Variants in MYL2 observed in about 807,000 individuals in gnomAD.
MYL2 encodes the protein myosin light chain 2.
In MYL2, 19 loss-of-function variants were observed where a neutral mutation model predicts 23.0. The ratio of observed to expected loss-of-function variants is 0.83; its 90% confidence interval spans 0.58 to 1.21. The LOEUF (loss-of-function observed/expected upper bound fraction) is 1.21, where lower values mean the gene tolerates loss of function less well. Ranked by LOEUF, MYL2 falls within the 50% of genes most tolerant of loss-of-function variation. The pLI is 0.00. For missense variants in MYL2, 180 were observed against 215.1 expected (o/e 0.84, Z 1.02); for synonymous variants, 78 against 76.2 (o/e 1.02, Z -0.13).
chr12:110,914,131 C>A (rs2071672912), intron 4 of MYL2, 55 bp downstream of exon 4: 2 of 1,314,452 alleles, frequency 1.5e-6, no homozygotes, highest in Non-Finnish European at 1.1e-6. Context: ...TGCCAGCCCC[C>A]CCGAAGAAAC....
intron 2 of MYL2, among the ~76,000 whole-genome samples, chr12:110,917,526 A>C (rs544075707): frequency 1.3e-5 from 2 of 150,608 alleles, no homozygotes; most frequent in Non-Finnish European, 3.0e-5. Flanking sequence ...CAAACAGACC[A>C]AATGGGGAAT....
At chr12:110,914,336 G>T (rs2071675412) in intron 3 of MYL2, 46 bp from the exon 4 acceptor site, 2 of 1,373,136 alleles carry the variant, frequency 1.5e-6, no homozygotes, top group South Asian at 2.3e-5. Context: ...TGGGGAGAAA[G>T]AACCATTATG....
At chr12:110,921,074 T>C (rs1236326627), upstream of MYL2, among the ~76,000 whole-genome samples, 2 of 152,164 alleles carry the variant, frequency 1.3e-5, no homozygotes, top group Non-Finnish European at 2.9e-5. Context: ...AAAATAACCA[T>C]GAAGGCTGGC....
chr12:110,914,241 A>G lies in MYL2; in HGVS notation c.219T>C (p.Ala73=). 6.2e-7 allele frequency: 1 copy of G among 1,614,054 alleles called. No homozygotes were observed. Among genetic ancestry groups the G allele is most frequent in the Non-Finnish European group, 8.5e-7 (1 of 1,180,018 alleles). ...NEEIDEMIKE[A]PGPINFTVFL... ...ACACAGTAAAGTTAATTGGACCCGG[A>G]GCCTCCTTGATCATTTCATCAATTT... Residue 73 remains alanine (A), a synonymous_variant, in exon 4 of 7, where the codon GCT becomes GCC. Coordinates refer to ENST00000228841, the MANE Select transcript of MYL2 (RefSeq NM_000432.4).
intron 2 of MYL2, 43 bp from the exon 3 acceptor site, chr12:110,915,833 G>A: frequency 6.4e-7 from 1 of 1,570,988 alleles, no homozygotes; most frequent in Non-Finnish European, 8.8e-7. Flanking sequence ...GGGAGAAACT[G>A]GCAGAGTTGC....
rs397516400 is a variant in MYL2, at chr12:110,914,178, G to A, written c.274+8C>T. The A allele has an allele frequency of 5.1e-5, 81 of 1,587,374 alleles. No homozygotes were observed. The highest frequency in any genetic ancestry group is 4.5e-4 in the African/African-American group (33 of 73,456). ...CACACAGACACACACACACACACAC[G>A]ACCTTACCCTTAAGTTTCTCCCCAA... On this transcript the variant is annotated splice_region_variant and intron_variant, in intron 4 of 6. Coordinates refer to ENST00000228841, the MANE Select transcript of MYL2 (RefSeq NM_000432.4).
intron 2 of MYL2, 111 bp from the exon 3 acceptor site, chr12:110,915,901 T>G: frequency 1.2e-6 from 1 of 862,022 alleles, no homozygotes; most frequent in South Asian, 1.3e-5. Flanking sequence ...CAAAGATCAT[T>G]GTAGGACCTC....
intron 6 of MYL2, 56 bp downstream of exon 6, chr12:110,913,040 C>T (rs1226524344): frequency 6.9e-6 from 11 of 1,601,486 alleles, no homozygotes; most frequent in Non-Finnish European, 8.6e-6. Flanking sequence ...GACGGAGCCC[C>T]CCAGAAGGAG....
Position 110,918,966 on chromosome 12 carries a change from G to A in MYL2, c.93+138C>T, listed in dbSNP as rs1438869922. On this transcript the variant is annotated intron_variant, in intron 2 of 6. Coordinates refer to ENST00000228841, the MANE Select transcript of MYL2 (RefSeq NM_000432.4). This position sits in a 1 kb window ranked among gnomAD's most constrained non-coding sequence, Gnocchi z 4.4. ...GTTTCTTTTAAAAATTCACACATCC[G>A]TTCAGGCCGAATTTGGGATTGTTTG... The A allele has an allele frequency of 1.1e-5, 8 of 751,966 alleles. No homozygotes were observed. The highest frequency in any genetic ancestry group is 3.2e-5 in the South Asian group (2 of 62,910). The allele number at this position is 751,966 out of a possible 1,614,324, so 46.6% of individuals were successfully genotyped here.
intron 1 of MYL2, among the ~76,000 whole-genome samples, chr12:110,920,310 T>A (rs1248894967): frequency 1.8e-5 from 1 of 54,576 alleles, no homozygotes; most frequent in East Asian, 4.8e-4. Flanking sequence ...ACTCTCTTAT[T>A]TTGTGTTTGT....
intron 3 of MYL2, among the ~76,000 whole-genome samples, chr12:110,914,793 T>C (rs2071678355): frequency 6.6e-6 from 1 of 152,222 alleles, no homozygotes; most frequent in Non-Finnish European, 1.5e-5. Flanking sequence ...GTGCTGGGAT[T>C]ACAGGTGTGA....
rs1468608115 is a variant in MYL2 at position 110,911,085 on chromosome 12, T to C, written c.493A>G (p.Lys165Glu). 1 of 1,613,908 alleles carries C rather than the reference T, an allele frequency of 6.2e-7. No homozygotes were observed. Among genetic ancestry groups the C allele is most frequent in the Admixed American group, 1.7e-5 (1 of 60,008 alleles). The change falls in exon 7 of 7, where the codon AAG becomes GAG. Residue 165 changes from lysine (K) to glutamate (E), a missense_variant. Lys to Glu is a moderately conservative substitution (Grantham distance 56, BLOSUM62 1). Coordinates refer to ENST00000228841, the MANE Select transcript of MYL2 (RefSeq NM_000432.4). ...LVHIITHGEEKD is the reference protein window; with the variant it reads ...LVHIITHGEEED ...CAGCAGCGAGCCCCCTCCTAGTCCT[T>C]CTCTTCTCCGTGGGTGATGATGTGC...
rs778630692 is a variant in MYL2 at position 110,913,105 on chromosome 12, G to C, written c.393C>G (p.Ser131=). Reference sequence around the variant, plus strand: ...TGAAGGACCCCATTACCTCCTCCTTGGAAAACCTCTCCGCCTGCGTGGTCA... The same window carrying C: ...TGAAGGACCCCATTACCTCCTCCTTCGAAAACCTCTCCGCCTGCGTGGTCA... ...EMLTTQAERF[S]KEEVDQMFAA... is the part of the protein sequence containing the mutation. The change falls in exon 6 of 7, where the codon TCC becomes TCG. Residue 131 remains serine (S), a synonymous_variant. Coordinates refer to ENST00000228841, the MANE Select transcript of MYL2 (RefSeq NM_000432.4). 10 of 1,614,054 alleles carry C rather than the reference G, an allele frequency of 6.2e-6. No individual in the cohort carries two copies. The highest frequency in any genetic ancestry group is 8.5e-6 in the Non-Finnish European group (10 of 1,180,020).
chr12:110,918,987 G>T lies in MYL2; in HGVS notation c.93+117C>A. ...ATCCGTTCAGGCCGAATTTGGGATTGTTTGGAGGATAGAGGCATCTAATGA... is the reference window on the plus strand; with the variant it reads ...ATCCGTTCAGGCCGAATTTGGGATTTTTTGGAGGATAGAGGCATCTAATGA... On this transcript the variant is annotated intron_variant, in intron 2 of 6. Transcript: ENST00000228841. The surrounding 1 kb of genome is among the most constrained non-coding windows in gnomAD (Gnocchi z 4.4). The T allele has an allele frequency of 4.4e-6, 4 of 905,468 alleles. No individual in the cohort carries two copies. The highest frequency in any genetic ancestry group is 5.4e-6 in the Non-Finnish European group (3 of 556,098). 56.1% of individuals were successfully genotyped at this position (905,468 alleles called of 1,614,324 possible).
rs375108766 is a variant in MYL2 at position 110,913,214 on chromosome 12, A to G, written c.353+32T>C. 7.6e-4 allele frequency: 1,212 copies of G among 1,601,236 alleles called. 3 individuals are homozygous for G. The highest frequency in any genetic ancestry group is 9.7e-4 in the Non-Finnish European group (1,138 of 1,173,280). On this transcript the variant is annotated intron_variant, in intron 5 of 6. Coordinates refer to ENST00000228841, the MANE Select transcript of MYL2 (RefSeq NM_000432.4). ...TAGGGGGGACAGGGGGCAAGCAGGG[A>G]ACCCCCTTCCTCCCCCACAGACCCC...
At position 110,919,179 on chromosome 12, in the gene MYL2, T is replaced by C. The variant is rs2071704599; in HGVS notation, c.18A>G (p.Ala6=). The C allele has an allele frequency of 3.7e-6, 6 of 1,613,596 alleles. No homozygotes were observed. The highest frequency in any genetic ancestry group is 5.1e-6 in the Non-Finnish European group (6 of 1,180,018). ...AGTTGGCGCCCCCGGCTCTCTTCTTTGCTTTCTTAGGTGCCTGGGGGAAAA... is the reference window on the plus strand; with the variant it reads ...AGTTGGCGCCCCCGGCTCTCTTCTTCGCTTTCTTAGGTGCCTGGGGGAAAA... MAPKK[A]KKRAGGANSN... Residue 6 remains alanine (A), a synonymous_variant, in exon 2 of 7, where the codon GCA becomes GCG. Coordinates refer to ENST00000228841, the MANE Select transcript of MYL2 (RefSeq NM_000432.4).
chr12:110,921,023 T>A (rs2071721643), upstream of MYL2, among the ~76,000 whole-genome samples: 1 of 152,216 alleles, frequency 6.6e-6, no homozygotes, highest in South Asian at 2.1e-4. Context: ...TCTTTGCTCA[T>A]ATGTCATCTC....
chr12:110,914,197 T>G lies in MYL2; in HGVS notation c.263A>C (p.Glu88Ala). 6.2e-7 allele frequency: 1 copy of G among 1,613,238 alleles called. No individual in the cohort carries two copies. Among genetic ancestry groups the G allele is most frequent in the Non-Finnish European group, 8.5e-7 (1 of 1,179,348 alleles). The change falls in exon 4 of 7, where the codon GAG becomes GCG. Residue 88 changes from glutamate to alanine, a missense_variant. Glu to Ala is a moderately radical substitution (Grantham distance 107). Coordinates refer to ENST00000228841, the MANE Select transcript of MYL2 (RefSeq NM_000432.4). Reference sequence around the variant, plus strand: ...ACACACGACCTTACCCTTAAGTTTCTCCCCAAACATTGTGAGGAACACAGT... The same window carrying G: ...ACACACGACCTTACCCTTAAGTTTCGCCCCAAACATTGTGAGGAACACAGT... ...NFTVFLTMFG[E>A]KLKGADPEET...
chr12:110,918,160 G>A lies in MYL2; in HGVS notation c.93+944C>T, dbSNP rs1180692572. Among the ~76,000 whole-genome samples the A allele has an allele frequency of 6.6e-6, 1 of 152,170 alleles. No homozygotes were observed. The highest frequency in any genetic ancestry group is 1.5e-5 in the Non-Finnish European group (1 of 68,034). ...TCCCTCTGGAAAGCCAGGTGGGAAT[G>A]TGGATGAGTCAGTGTGAGCCCTCGC... is the stretch of plus-strand genomic sequence containing the variant. On this transcript the variant is annotated intron_variant, in intron 2 of 6. Transcript: ENST00000228841. The surrounding 1 kb of genome is among the most constrained non-coding windows in gnomAD (Gnocchi z 4.4).
Sources: gnomAD v4.1 joint callset for allele counts (sites outside exome capture counted in the v4.1 genomes callset) on GRCh38, gnomAD v4.1.1 for gene constraint, Gnocchi (gnomAD v3.1) non-coding constraint, MANE v1.5 for transcripts, NCBI Gene and HGNC (gene_info 2026-07-23, HGNC 2026-07-21) for gene names.